The following KRT6B variants were observed in gnomAD, a reference collection of about 807,000 sequenced individuals.
The protein encoded by KRT6B is keratin, type II cytoskeletal 6B.
In KRT6B, 29 loss-of-function variants were observed where a neutral mutation model predicts 44.7. The ratio of observed to expected loss-of-function variants is 0.65; its 90% confidence interval spans 0.48 to 0.88. KRT6B has a LOEUF of 0.88. KRT6B is among the 40% of genes least tolerant of loss of function. The pLI is 0.00. For synonymous variants in KRT6B, 213 were observed against 296.0 expected, an observed-to-expected ratio of 0.72 and a Z score of 2.88; for missense variants, 600 against 724.0, an observed-to-expected ratio of 0.83 and a Z score of 1.97.
chr12:52,452,144 G>T lies in KRT6B; in HGVS notation c.-66C>A. On this transcript the variant is annotated 5_prime_UTR_variant, in exon 1 of 9. Coordinates refer to ENST00000252252, the MANE Select transcript of KRT6B (RefSeq NM_005555.4). ...TGGAGGCGAGAGGGAGGAGAAGCAG[G>T]ACGAGGAATCGGACTCCAGTAGCAG... 1 of 1,610,878 alleles carries T rather than the reference G, an allele frequency of 6.2e-7. No individual in the cohort carries two copies. Among genetic ancestry groups the T allele is most frequent in the Non-Finnish European group, 8.5e-7 (1 of 1,178,644 alleles).
At chr12:52,451,341 G>A (rs1478776376) in intron 1 of KRT6B, among the ~76,000 whole-genome samples, 198 bp downstream of exon 1, 2 of 147,206 alleles carry the variant, frequency 1.4e-5, no homozygotes, top group Non-Finnish European at 3.0e-5. Context: ...AGGCAGGAGT[G>A]AGGGCCACTC....
chr12:52,449,265 C>T (rs7136279), intron 5 of KRT6B, among the ~76,000 whole-genome samples: 2 of 152,144 alleles, frequency 1.3e-5, no homozygotes, highest in Non-Finnish European at 2.9e-5. Flanking sequence ...CCTTGTCTAT[C>T]GTAGCTTGCC....
At chr12:52,448,740 A>G in intron 6 of KRT6B, 102 bp downstream of exon 6, 6 of 1,591,082 alleles carry the variant, frequency 3.8e-6, no homozygotes, top group Non-Finnish European at 5.2e-6. Flanking sequence ...TTCTCTGCTT[A>G]TCAATCAATT....
At chr12:52,449,877 G>C in intron 3 of KRT6B, 24 bp from the exon 4 acceptor site, 1 of 1,609,572 alleles carries the variant, frequency 6.2e-7, no homozygotes, top group Non-Finnish European at 8.5e-7. Flanking sequence ...CAACAACCTG[G>C]AGTTGCCTGA....
chr12:52,447,056 A>G lies in KRT6B; in HGVS notation c.*134T>C, dbSNP rs1940321216. ...TGGAACAGGTATTGATGAGAAGAAAAGTGAGGGCATCCCAGCTCTACCCGG... is the reference window on the plus strand; with the variant it reads ...TGGAACAGGTATTGATGAGAAGAAAGGTGAGGGCATCCCAGCTCTACCCGG... On this transcript the variant is annotated 3_prime_UTR_variant, in exon 9 of 9. Transcript: ENST00000252252. The G allele has an allele frequency of 9.0e-7, 1 of 1,113,388 alleles. No homozygotes were observed. The highest frequency in any genetic ancestry group is 1.6e-5 in the African/African-American group (1 of 63,794). 69.0% of individuals were successfully genotyped at this position (1,113,388 alleles called of 1,614,324 possible). A position where few individuals can be genotyped will look rare whatever the true frequency, so the allele number is the denominator to read the frequency against.
Position 52,446,755 on chromosome 12 carries a change from T to G in KRT6B, c.*435A>C. 4.3e-6 allele frequency: 1 copy of G among 232,762 alleles called. No individual in the cohort carries two copies. The highest frequency in any genetic ancestry group is 8.4e-6 in the Non-Finnish European group (1 of 118,862). 14.4% of individuals were successfully genotyped at this position (232,762 alleles called of 1,614,324 possible). On this transcript the variant is annotated 3_prime_UTR_variant, in exon 9 of 9. Transcript: ENST00000252252. ...GCATCAGAAGGTACATCACTTGCCA[T>G]TCAGGGACACTGCAAGAGAAGATCA...
In KRT6B at chr12:52,447,182, G is replaced by T. The variant is rs567093999; in HGVS notation, c.*8C>A. The T allele has an allele frequency of 6.2e-7, 1 of 1,613,932 alleles. No homozygotes were observed. Among genetic ancestry groups the T allele is most frequent in the South Asian group, 1.1e-5 (1 of 91,062 alleles). Reference sequence around the variant, plus strand: ...AGAGCTGTGGGACTGAGAGCTGGCGGCAGCACTTCAGTGCTTGTAGCTCTT... The same window carrying T: ...AGAGCTGTGGGACTGAGAGCTGGCGTCAGCACTTCAGTGCTTGTAGCTCTT... On this transcript the variant is annotated 3_prime_UTR_variant, in exon 9 of 9. Coordinates refer to ENST00000252252, the MANE Select transcript of KRT6B (RefSeq NM_005555.4).
At chr12:52,448,144 C>A in intron 6 of KRT6B, 146 bp from the exon 7 acceptor site, 1 of 1,131,914 alleles carries the variant, frequency 8.8e-7, no homozygotes, top group South Asian at 1.3e-5. Flanking sequence ...AGCCTTTTTA[C>A]TGTCTTCAAA....
chr12:52,448,702 A>T, intron 6 of KRT6B, 140 bp downstream of exon 6: 1 of 1,404,600 alleles, frequency 7.1e-7, no homozygotes, highest in Non-Finnish European at 9.9e-7. Context: ...GAGTGTTCTC[A>T]CTGAGCCTAG....
rs768540700 is a variant in KRT6B, at chr12:52,447,774, C to T, written c.1424+4G>A. On this transcript the variant is annotated splice_donor_region_variant and intron_variant, in intron 7 of 8. Coordinates refer to ENST00000252252, the MANE Select transcript of KRT6B (RefSeq NM_005555.4). ...TGTTGGAGGAAGTCGCGTCAGTTAC[C>T]CACCTGCACTCCTCGCCCTCCAGCA... The T allele has an allele frequency of 1.9e-6, 3 of 1,614,210 alleles. No individual in the cohort carries two copies. Among genetic ancestry groups the T allele is most frequent in the South Asian group, 1.1e-5 (1 of 91,080 alleles).
Position 52,449,613 on chromosome 12 carries a change from G to A in KRT6B, c.933C>T (p.Thr311=). The change falls in exon 5 of 9, where the codon ACC becomes ACT. Residue 311 remains threonine (T), a synonymous_variant. Coordinates refer to ENST00000252252, the MANE Select transcript of KRT6B (RefSeq NM_005555.4). ...GCACCACGGATGTGTCTGAGATGTG[G>A]GTCTGCATCTGGGACAGCTCCTGCA... is the stretch of plus-strand genomic sequence containing the variant. ...LYDAELSQMQ[T]HISDTSVVLS... 1.2e-6 allele frequency: 2 copies of A among 1,614,162 alleles called. No homozygotes were observed. Among genetic ancestry groups the A allele is most frequent in the Non-Finnish European group, 1.7e-6 (2 of 1,180,038 alleles).
Position 52,451,587 on chromosome 12 carries a change from AC to A in KRT6B, c.491del (p.Arg164LeufsTer21). The A allele has an allele frequency of 6.2e-7, 1 of 1,613,486 alleles. No individual in the cohort carries two copies. The highest frequency in any genetic ancestry group is 8.5e-7 in the Non-Finnish European group (1 of 1,179,980). On this transcript the variant is annotated frameshift_variant, in exon 1 of 9. Transcript: ENST00000252252. LOFTEE classifies it high-confidence loss of function. ...TGTTGTTGAGGGTCTTGATCTGCTCACGCTCCTCGGCCCGCACCCGCTGGAT... is the reference window on the plus strand; with the variant it reads ...TGTTGTTGAGGGTCTTGATCTGCTCAGCTCCTCGGCCCGCACCCGCTGGAT... ...PAIQRVRAEE[R>X]EQIKTLNNKF...
intron 1 of KRT6B, 61 bp from the exon 2 acceptor site, chr12:52,450,681 T>C (rs115433398): frequency 5.6e-6 from 9 of 1,612,884 alleles, no homozygotes; most frequent in African/African-American, 1.3e-5. Flanking sequence ...GTGTCTGGTA[T>C]CCAGTTTCCT....
chr12:52,452,025 G>T lies in KRT6B; in HGVS notation c.54C>A (p.Phe18Leu). 1 of 1,614,016 alleles carries T rather than the reference G, an allele frequency of 6.2e-7. No homozygotes were observed. Among genetic ancestry groups the T allele is most frequent in the Non-Finnish European group, 8.5e-7 (1 of 1,179,924 alleles). The change falls in exon 1 of 9, where the codon TTC becomes TTA. Residue 18 changes from phenylalanine to leucine, a missense_variant. Physicochemically the swap from Phe to Leu is conservative, Grantham distance 22. Coordinates refer to ENST00000252252, the MANE Select transcript of KRT6B (RefSeq NM_005555.4). ...IRSHSSSRRG[F>L]SANSARLPGV... is the part of the protein sequence containing the mutation. ...CAGGGAGCCTGGCTGAGTTGGCACT[G>T]AAACCCCGGCGGCTGCTGCTGTGGC...
intron 5 of KRT6B, 103 bp from the exon 6 acceptor site, chr12:52,449,070 C>T: frequency 1.3e-6 from 2 of 1,530,856 alleles, no homozygotes; most frequent in Non-Finnish European, 1.8e-6. Flanking sequence ...GACCTAATGG[C>T]TTCTCCCCAA....
Position 52,449,570 on chromosome 12 carries a change from G to C in KRT6B, c.976C>G (p.Arg326Gly), listed in dbSNP as rs190319305. 2.5e-6 allele frequency: 4 copies of C among 1,614,060 alleles called. No individual in the cohort carries two copies. The highest frequency in any genetic ancestry group is 1.7e-5 in the Admixed American group (1 of 60,004). The change falls in exon 5 of 9, where the codon CGC becomes GGC. Residue 326 changes from arginine (R) to glycine (G), a missense_variant. Arg to Gly is a moderately radical substitution (Grantham distance 125). This residue lies in a region of KRT6B where 479 missense variants were observed against 454.2 expected (regional missense o/e 1.05). Transcript: ENST00000252252. ...ATGATGCTGTCCAGGTCCAGGTTGC[G>C]GTTGTTGTCCATGGATAGCACCACG... ...TSVVLSMDNN[R>G]NLDLDSIIAE...
chr12:52,452,085 A>T lies in KRT6B; in HGVS notation c.-7T>A. 3 of 1,614,106 alleles carry T rather than the reference A, an allele frequency of 1.9e-6. No homozygotes were observed. The South Asian group carries it at 3.3e-5, about 18-fold the overall frequency. On this transcript the variant is annotated 5_prime_UTR_variant, in exon 1 of 9. Coordinates refer to ENST00000252252, the MANE Select transcript of KRT6B (RefSeq NM_005555.4). ...TGGTGGATGTGCTGGCCATGGTTCCAGGAGATGAGAGGGCTTAGGAGAGTG... is the reference window on the plus strand; with the variant it reads ...TGGTGGATGTGCTGGCCATGGTTCCTGGAGATGAGAGGGCTTAGGAGAGTG...
intron 5 of KRT6B, among the ~76,000 whole-genome samples, 187 bp downstream of exon 5, chr12:52,449,282 A>G (rs183196952): frequency 6.6e-6 from 1 of 152,306 alleles, no homozygotes; most frequent in East Asian, 1.9e-4. Context: ...TGCCTCCTGC[A>G]TTGGGTTGTT....
At position 52,446,857 on chromosome 12, in the gene KRT6B, T is replaced by C; in HGVS notation, c.*333A>G. The C allele has an allele frequency of 2.5e-6, 1 of 392,476 alleles. No homozygotes were observed. Among genetic ancestry groups the C allele is most frequent in the Non-Finnish European group, 4.7e-6 (1 of 213,388 alleles). The allele number at this position is 392,476 out of a possible 1,614,324, so 24.3% of individuals were successfully genotyped here. On this transcript the variant is annotated 3_prime_UTR_variant, in exon 9 of 9. Transcript: ENST00000252252. ...GATGGTTAGCAATTAAAGAGAGGAC[T>C]CCTCATCTGCAGCTGGACCTAGACT... is the stretch of plus-strand genomic sequence containing the variant.
Sources: allele counts gnomAD v4.1 joint callset (sites outside exome capture counted in the v4.1 genomes callset), GRCh38; gene constraint gnomAD v4.1.1; regional missense constraint gnomAD v4.1.1; transcripts MANE v1.5; gene names NCBI Gene and HGNC (gene_info 2026-07-23, HGNC 2026-07-21).